MEGF11: variants seen among roughly 807,000 people sequenced by gnomAD.
MEGF11 encodes multiple EGF like domains 11, also known as multiple epidermal growth factor-like domains protein 11.
In MEGF11, 126 loss-of-function variants were observed where a neutral mutation model predicts 146.6. The observed-to-expected ratio is 0.86, with a 90% CI of 0.74 to 1.00. The LOEUF (loss-of-function observed/expected upper bound fraction) is 1.00, where lower values mean the gene tolerates loss of function less well. MEGF11 is among the 50% of genes least tolerant of loss of function. The probability of loss-of-function intolerance (pLI) is 0.00; values close to 1 mark genes in which losing one functional copy is unlikely to be tolerated. For missense variants in MEGF11, 1,509 were observed against 1,521.2 expected (o/e 0.99, Z 0.13); for synonymous variants, 532 against 583.4 (o/e 0.91, Z 1.27).
intron 1 of MEGF11, among the ~76,000 whole-genome samples, chr15:66,135,572 C>T (rs1343964234): frequency 1.3e-5 from 2 of 152,140 alleles, no homozygotes; most frequent in African/African-American, 2.4e-5. Flanking sequence ...CAGGAAGCCT[C>T]GGGCCAGTGT....
chr15:66,238,399 C>T (rs1420383075), intron 1 of MEGF11, among the ~76,000 whole-genome samples: 1 of 152,204 alleles, frequency 6.6e-6, no homozygotes, highest in Non-Finnish European at 1.5e-5. Flanking sequence ...TCTCAGACTG[C>T]AGGTTGTGTG....
chr15:66,145,180 T>A (rs544162460), intron 1 of MEGF11, among the ~76,000 whole-genome samples: 17 of 152,100 alleles, frequency 1.1e-4, no homozygotes, highest in Non-Finnish European at 2.1e-4. Context: ...AGCCTCGAGG[T>A]CTCCACATCT....
chr15:66,021,927 G>A (rs1280438300), intron 5 of MEGF11, among the ~76,000 whole-genome samples: 2 of 152,204 alleles, frequency 1.3e-5, no homozygotes, highest in South Asian at 2.1e-4. Flanking sequence ...GATGACTTGC[G>A]GCTAGAGCTG....
At chr15:66,202,147 TAC>T (rs201173244) in intron 1 of MEGF11, among the ~76,000 whole-genome samples, 9 of 135,458 alleles carry the variant, frequency 6.6e-5, no homozygotes, top group Non-Finnish European at 1.1e-4. Context: ...ACACAAGTGA[TAC>T]ACACACACAT....
chr15:66,113,733 T>C (rs2087565497), intron 4 of MEGF11, among the ~76,000 whole-genome samples: 1 of 152,000 alleles, frequency 6.6e-6, no homozygotes, highest in African/African-American at 2.4e-5. Flanking sequence ...TACAAAAAAT[T>C]AGCCAGGTGC....
chr15:66,187,141 C>T (rs1328328930), intron 1 of MEGF11, among the ~76,000 whole-genome samples: 1 of 152,222 alleles, frequency 6.6e-6, no homozygotes, highest in Non-Finnish European at 1.5e-5. Context: ...CTTTCCAATT[C>T]CAAATCTTAA....
In MEGF11 at chr15:65,906,112, T is replaced by A; in HGVS notation, c.3028A>T (p.Thr1010Ser). ...GACGMDRRQN[T>S]YIMDKGFKDY... ...TTGAAGCCTTTGTCCATAATGTATG[T>A]GTTCTGACGTCTATCCATTCCACAA... Residue 1010 changes from threonine (T) to serine (S), a missense_variant, in exon 24 of 26, where the codon ACA becomes TCA. Thr to Ser is a moderately conservative substitution (Grantham distance 58). Coordinates refer to ENST00000395614, the MANE Select transcript of MEGF11 (RefSeq NM_001385028.1). 1 of 1,611,200 alleles carries A rather than the reference T, an allele frequency of 6.2e-7. No individual in the cohort carries two copies. Among genetic ancestry groups the A allele is most frequent in the Non-Finnish European group, 8.5e-7 (1 of 1,178,604 alleles).
chr15:65,976,514 G>A (rs1360498657), intron 7 of MEGF11, among the ~76,000 whole-genome samples: 2 of 152,172 alleles, frequency 1.3e-5, no homozygotes, highest in Non-Finnish European at 1.5e-5. Context: ...GAAAAAAGAC[G>A]ACATAGAGAC....
intron 15 of MEGF11, 50 bp from the exon 16 acceptor site, chr15:65,918,144 G>T: frequency 6.2e-7 from 1 of 1,607,938 alleles, no homozygotes; most frequent in South Asian, 1.1e-5. Flanking sequence ...GTGTTCCTCT[G>T]ACCTCCACCC....
intron 10 of MEGF11, among the ~76,000 whole-genome samples, chr15:65,952,188 G>T (rs993333837): frequency 6.6e-6 from 1 of 152,090 alleles, no homozygotes; most frequent in Non-Finnish European, 1.5e-5. Context: ...TGGATAATGG[G>T]GACTACTGTA....
intron 2 of MEGF11, among the ~76,000 whole-genome samples, chr15:66,124,465 C>G (rs2088231167): frequency 6.6e-6 from 1 of 152,214 alleles, no homozygotes; most frequent in Admixed American, 6.5e-5. Context: ...AGAAAAGTGA[C>G]TTGCCCAGCT....
chr15:66,139,607 G>C (rs1311860878), intron 1 of MEGF11, among the ~76,000 whole-genome samples: 1 of 96,482 alleles, frequency 1.0e-5, no homozygotes, highest in Non-Finnish European at 2.6e-5. Context: ...ACCACAGTAG[G>C]ATAAAAAAAA....
In MEGF11 at chr15:65,916,808, G is replaced by A; in HGVS notation, c.2215+20C>T. 6.2e-7 allele frequency: 1 copy of A among 1,610,844 alleles called. No individual in the cohort carries two copies. Among genetic ancestry groups the A allele is most frequent in the Non-Finnish European group, 8.5e-7 (1 of 1,178,592 alleles). ...AGCATGGTATTCTAAGTGGCTGGGA[G>A]GCCAGGAGGTGGGGCTTACGCTGTG... On this transcript the variant is annotated intron_variant, in intron 17 of 25. Transcript: ENST00000395614.
intron 16 of MEGF11, among the ~76,000 whole-genome samples, chr15:65,917,580 G>A (rs1237546844): frequency 6.6e-6 from 1 of 152,140 alleles, no homozygotes. Flanking sequence ...GCCACCCAGA[G>A]GGCACTGCAC....
At chr15:66,066,567 T>C (rs1313037978) in intron 5 of MEGF11, among the ~76,000 whole-genome samples, 1 of 152,246 alleles carries the variant, frequency 6.6e-6, no homozygotes, top group Non-Finnish European at 1.5e-5. Flanking sequence ...CCAAGTGGCC[T>C]GCGTCCAAGT....
intron 1 of MEGF11, among the ~76,000 whole-genome samples, chr15:66,180,108 A>G (rs901523568): frequency 6.6e-6 from 1 of 152,192 alleles, no homozygotes; most frequent in African/African-American, 2.4e-5. Flanking sequence ...GAAAAATTCA[A>G]ATTACAACTC....
chr15:66,229,104 C>G (rs1395946056), intron 1 of MEGF11, among the ~76,000 whole-genome samples: 2 of 152,152 alleles, frequency 1.3e-5, no homozygotes, highest in Admixed American at 6.5e-5. Flanking sequence ...GGCTTGTGTT[C>G]ACCACTTGTC....
chr15:66,021,712 G>C (rs1191598980), intron 5 of MEGF11, among the ~76,000 whole-genome samples: 2 of 151,994 alleles, frequency 1.3e-5, no homozygotes, highest in African/African-American at 4.8e-5. Context: ...CTTCCATGCT[G>C]GTTTGGCAAA....
intron 14 of MEGF11, 144 bp downstream of exon 14, chr15:65,922,679 C>T: frequency 1.6e-6 from 2 of 1,255,018 alleles, no homozygotes; most frequent in Non-Finnish European, 2.2e-6. Flanking sequence ...GGGGACAGAA[C>T]TGCAGAGGGA....
Sources: gnomAD v4.1 joint callset for allele counts (sites outside exome capture counted in the v4.1 genomes callset) on GRCh38, gnomAD v4.1.1 for gene constraint, MANE v1.5 for transcripts, NCBI Gene and HGNC (gene_info 2026-07-23, HGNC 2026-07-21) for gene names.